Variants in RTF1 observed in about 807,000 individuals in gnomAD.
RTF1 encodes the protein RTF1 homolog, Paf1/RNA polymerase II complex component, also known as RNA polymerase-associated protein RTF1 homolog.
A neutral mutation model predicts 95.7 loss-of-function variants in RTF1; 10 were observed. The ratio of observed to expected loss-of-function variants is 0.10; its 90% CI spans 0.06 to 0.18. RTF1 has a LOEUF of 0.18. Among genes scored for constraint, RTF1 ranks in the 10% least tolerant of loss-of-function variants. The pLI, the probability that RTF1 is intolerant of heterozygous loss-of-function variation, is 1.00. For synonymous variants in RTF1, 305 were observed against 311.8 expected, an observed-to-expected ratio of 0.98 and a Z score of 0.23; for missense variants, 458 against 875.6, an observed-to-expected ratio of 0.52 and a Z score of 6.02.
intron 5 of RTF1, 25 bp from the exon 6 acceptor site, chr15:41,466,116 A>C: frequency 6.9e-7 from 1 of 1,458,980 alleles, no homozygotes; most frequent in Non-Finnish European, 9.2e-7. Context: ...AAAAAGGGCC[A>C]TTCTATATAT....
intron 2 of RTF1, among the ~76,000 whole-genome samples, chr15:41,440,604 C>T (rs938377541): frequency 2.0e-5 from 3 of 150,658 alleles, no homozygotes; most frequent in African/African-American, 4.9e-5. Flanking sequence ...ATTTTCCTGT[C>T]TCAACCTCCC....
In RTF1 at chr15:41,444,781, A is replaced by G. The variant is rs144273204; in HGVS notation, c.309+6350A>G. On this transcript the variant is annotated intron_variant, in intron 2 of 17. Transcript: ENST00000389629. ...TGCTCTTTTCTTGGTAATGTCTTCT[A>G]TAACACTTCCAACTTACTGCATATT... Among the ~76,000 whole-genome samples the G allele has an allele frequency of 4.1e-3, 623 of 152,236 alleles. 6 individuals are homozygous for G. The highest frequency in any genetic ancestry group is 0.014 in the African/African-American group (599 of 41,534).
intron 2 of RTF1, among the ~76,000 whole-genome samples, chr15:41,444,637 A>C (rs984358577): frequency 6.6e-6 from 1 of 152,122 alleles, no homozygotes; most frequent in Non-Finnish European, 1.5e-5. Flanking sequence ...ATTTAAAGCC[A>C]TGATTACGAA....
At chr15:41,446,377 T>A (rs1295624364) in intron 2 of RTF1, among the ~76,000 whole-genome samples, 1 of 151,978 alleles carries the variant, frequency 6.6e-6, no homozygotes, top group Non-Finnish European at 1.5e-5. Context: ...GAGACCATCC[T>A]AACCCAGTGA....
chr15:41,443,976 G>C (rs555386531), intron 2 of RTF1, among the ~76,000 whole-genome samples: 2 of 151,836 alleles, frequency 1.3e-5, no homozygotes, highest in African/African-American at 4.8e-5. Context: ...GCTGAGGCAG[G>C]AGAATGGCGT....
Position 41,475,521 on chromosome 15 carries a change from G to A in RTF1, c.1287-4G>A. On this transcript the variant is annotated splice_polypyrimidine_tract_variant and splice_region_variant and intron_variant, in intron 9 of 17. Transcript: ENST00000389629. The stretch of plus-strand genomic sequence containing the variant: ...CTTGGAGATGCTGTCTCTCTTTTAT[G>A]TAGGCATGGCAATGACCAACGCGTG... The A allele has an allele frequency of 6.2e-7, 1 of 1,613,040 alleles. No individual in the cohort carries two copies. Among genetic ancestry groups the A allele is most frequent in the Middle Eastern group, 1.6e-4 (1 of 6,062 alleles).
At chr15:41,419,521 A>G (rs905205758) in intron 1 of RTF1, among the ~76,000 whole-genome samples, 1 of 152,202 alleles carries the variant, frequency 6.6e-6, no homozygotes, top group African/African-American at 2.4e-5. Flanking sequence ...CTGCAAAATG[A>G]TAATGTTTCA....
Position 41,483,226 on chromosome 15 carries a change from G to A in RTF1, c.*2539G>A, listed in dbSNP as rs1186309894. ...ACACTGGCTTTGTCCTACCAACTAGGATTTCTTGGTGGTTCACACTATTTC... is the reference window on the plus strand; with the variant it reads ...ACACTGGCTTTGTCCTACCAACTAGAATTTCTTGGTGGTTCACACTATTTC... On this transcript the variant is annotated 3_prime_UTR_variant, in exon 18 of 18. Transcript: ENST00000389629. The A allele has an allele frequency of 6.6e-6, 1 of 152,628 alleles. No individual in the cohort carries two copies. The highest frequency in any genetic ancestry group is 1.5e-5 in the Non-Finnish European group (1 of 68,040). The allele number at this position is 152,628 out of a possible 1,614,324, so 9.5% of individuals were successfully genotyped here. A position where few individuals can be genotyped will look rare whatever the true frequency, so the allele number is the denominator to read the frequency against.
In RTF1 at chr15:41,464,822, AAAG is replaced by A; in HGVS notation, c.720_722del (p.Lys242del). 2 of 1,562,584 alleles carry A rather than the reference AAAG, an allele frequency of 1.3e-6. No homozygotes were observed. Among genetic ancestry groups the A allele is most frequent in the Non-Finnish European group, 1.7e-6 (2 of 1,155,242 alleles). On this transcript the variant is annotated inframe_deletion, in exon 5 of 18. Coordinates refer to ENST00000389629, the MANE Select transcript of RTF1 (RefSeq NM_015138.5). ...CAGCCAAAAAGAAAGAAAAGAAAGA[AAAG>A]AAGAAAAAGCAAGAAGAGGAGCAAG...
intron 2 of RTF1, among the ~76,000 whole-genome samples, chr15:41,440,006 G>A (rs999951243): frequency 3.3e-5 from 5 of 151,960 alleles, no homozygotes; most frequent in African/African-American, 4.8e-5. Flanking sequence ...CAGAGAAGCC[G>A]GATATCACCT....
intron 1 of RTF1, among the ~76,000 whole-genome samples, chr15:41,437,215 G>GCC (rs1321465800): frequency 6.6e-6 from 1 of 151,794 alleles, no homozygotes; most frequent in East Asian, 1.9e-4. Context: ...CTTGCATTGG[G>GCC]CCGGGTGTGG....
At chr15:41,451,938 C>T (rs951216656) in intron 2 of RTF1, among the ~76,000 whole-genome samples, 4 of 151,962 alleles carry the variant, frequency 2.6e-5, no homozygotes, top group Non-Finnish European at 4.4e-5. Flanking sequence ...TGTTGCGCAC[C>T]TGTAGTTCCA....
Position 41,477,223 on chromosome 15 carries a change from A to C in RTF1, c.1619A>C (p.Asn540Thr), listed in dbSNP as rs780597844. Reference sequence around the variant, plus strand: ...GCCAAACAAATCCAAGATCAACTGAATGAGCTGGAGGAACGGGCAGAGGCC... The same window carrying C: ...GCCAAACAAATCCAAGATCAACTGACTGAGCTGGAGGAACGGGCAGAGGCC... The part of the protein sequence containing the change: ...DKAKQIQDQL[N>T]ELEERAEALD... The change falls in exon 13 of 18, where the codon AAT becomes ACT. Residue 540 changes from asparagine (N) to threonine (T), a missense_variant. By Grantham distance (65) the Asn-to-Thr change is moderately conservative. Coordinates refer to ENST00000389629, the MANE Select transcript of RTF1 (RefSeq NM_015138.5). 6.2e-7 allele frequency: 1 copy of C among 1,614,264 alleles called. No homozygotes were observed. Among genetic ancestry groups the C allele is most frequent in the Non-Finnish European group, 8.5e-7 (1 of 1,180,048 alleles).
At chr15:41,457,898 T>TGG in intron 4 of RTF1, 22 bp downstream of exon 4, 1 of 1,505,704 alleles carries the variant, frequency 6.6e-7, no homozygotes, top group Non-Finnish European at 9.1e-7. Context: ...CTCGTCGTTG[T>TGG]CCCCCCCCCG....
At chr15:41,474,338 A>G (rs1459762593) in intron 8 of RTF1, among the ~76,000 whole-genome samples, 1 of 152,206 alleles carries the variant, frequency 6.6e-6, no homozygotes, top group Non-Finnish European at 1.5e-5. Context: ...GAAATCCCAA[A>G]TACATCCCTT....
chr15:41,452,756 A>G (rs1013957416), intron 2 of RTF1, 145 bp from the exon 3 acceptor site: 3 of 703,492 alleles, frequency 4.3e-6, no homozygotes, highest in Admixed American at 3.7e-5. Context: ...TTTTTTTTCA[A>G]AAATCTGTAT....
chr15:41,434,570 G>A (rs1446399743), intron 1 of RTF1, among the ~76,000 whole-genome samples: 2 of 151,890 alleles, frequency 1.3e-5, no homozygotes, highest in African/African-American at 2.4e-5. Context: ...ACTGTAGAGT[G>A]TAGATGATGG....
At chr15:41,428,136 C>T (rs2050646732) in intron 1 of RTF1, among the ~76,000 whole-genome samples, 1 of 151,134 alleles carries the variant, frequency 6.6e-6, no homozygotes, top group Non-Finnish European at 1.5e-5. Context: ...CTCACTGTGT[C>T]ACCCAAGCTA....
intron 3 of RTF1, among the ~76,000 whole-genome samples, chr15:41,457,095 T>A (rs576119745): frequency 6.7e-6 from 1 of 150,112 alleles, no homozygotes; most frequent in African/African-American, 2.5e-5. Flanking sequence ...ATAATAATAA[T>A]AATAAATAAG....
Sources: allele counts gnomAD v4.1 joint callset (sites outside exome capture counted in the v4.1 genomes callset), GRCh38; gene constraint gnomAD v4.1.1; transcripts MANE v1.5; gene names NCBI Gene and HGNC (gene_info 2026-07-23, HGNC 2026-07-21).